The following SOX5 variants were observed in gnomAD, a reference collection of about 807,000 sequenced individuals.
SOX5 encodes the protein SRY-box transcription factor 5.
A neutral mutation model predicts 92.0 loss-of-function variants in SOX5; 9 were observed. The ratio of observed to expected loss-of-function variants is 0.10; its 90% CI spans 0.06 to 0.17. The LOEUF is 0.17. Among genes scored for constraint, SOX5 ranks in the 10% least tolerant of loss-of-function variants. SOX5 has a pLI of 1.00. For missense variants in SOX5, 642 were observed against 944.5 expected (o/e 0.68, Z 4.20); for synonymous variants, 344 against 336.3 (o/e 1.02, Z -0.25).
chr12:24,082,404 G>GAAAAAAAAAAAAAAAA (rs58736325), intron 4 of SOX5, among the ~76,000 whole-genome samples: 1 of 73,386 alleles, frequency 1.4e-5, no homozygotes, highest in South Asian at 6.4e-4. Context: ...CTTTCGAAAA[G>GAAAAAAAAAAAAAAAA]AAAAAAAAAA....
At chr12:23,778,788 T>A (rs536631215) in intron 3 of SOX5, among the ~76,000 whole-genome samples, 3 of 152,260 alleles carry the variant, frequency 2.0e-5, no homozygotes, top group African/African-American at 7.2e-5. Context: ...AATTATCATG[T>A]CTTCTTCTTC....
chr12:23,885,385 A>G (rs1246195837), intron 2 of SOX5, among the ~76,000 whole-genome samples: 1 of 152,144 alleles, frequency 6.6e-6, no homozygotes, highest in African/African-American at 2.4e-5. Flanking sequence ...TAATGTTTTT[A>G]TTAACCCTTC....
chr12:24,051,281 T>G (rs1957538421), intron 4 of SOX5, among the ~76,000 whole-genome samples: 1 of 152,104 alleles, frequency 6.6e-6, no homozygotes, highest in East Asian at 1.9e-4. Flanking sequence ...TTCCAAAATT[T>G]TACAATGATG....
At chr12:23,744,437 G>A (rs549862012) in intron 4 of SOX5, among the ~76,000 whole-genome samples, 24 of 152,176 alleles carry the variant, frequency 1.6e-4, no homozygotes, top group African/African-American at 5.1e-4. Context: ...TGGATAAAGT[G>A]AAACTCACCA....
intron 1 of SOX5, among the ~76,000 whole-genome samples, chr12:24,483,447 T>C (rs1307927565): frequency 1.3e-5 from 2 of 152,234 alleles, no homozygotes; most frequent in East Asian, 3.8e-4. Context: ...ACCATAAGTT[T>C]TCCTCTCAGA....
At chr12:23,623,744 C>G (rs930699441) in intron 8 of SOX5, among the ~76,000 whole-genome samples, 3 of 151,930 alleles carry the variant, frequency 2.0e-5, no homozygotes, top group African/African-American at 7.2e-5. Context: ...ACCCAAATCA[C>G]AATTAGATAT....
chr12:23,582,431 T>A, intron 9 of SOX5: 1 of 281,278 alleles, frequency 3.6e-6, no homozygotes, highest in Non-Finnish European at 5.4e-6. Flanking sequence ...GCAACAATCT[T>A]AAAATTATTT....
chr12:23,581,704 T>A (rs114753705), intron 9 of SOX5, among the ~76,000 whole-genome samples: 3,149 of 152,210 alleles, frequency 0.021, 97 homozygotes, highest in African/African-American at 0.072. Context: ...CTTTGAGGCT[T>A]TGGTTTTATG....
chr12:23,651,445 T>C (rs1434128725), intron 7 of SOX5, among the ~76,000 whole-genome samples: 1 of 152,096 alleles, frequency 6.6e-6, no homozygotes, highest in Non-Finnish European at 1.5e-5. Flanking sequence ...ACTTCAATTT[T>C]CATAACATAT....
intron 4 of SOX5, among the ~76,000 whole-genome samples, chr12:23,741,687 A>G (rs1038173853): frequency 2.6e-5 from 4 of 152,226 alleles, no homozygotes; most frequent in African/African-American, 9.6e-5. Context: ...TTCAGAGTCT[A>G]TCTTCGAAAA....
At chr12:23,783,547 A>G (rs1440142555) in intron 3 of SOX5, among the ~76,000 whole-genome samples, 1 of 152,240 alleles carries the variant, frequency 6.6e-6, no homozygotes, top group Non-Finnish European at 1.5e-5. Context: ...ATAGCAAAAC[A>G]TGAATTCAAT....
intron 1 of SOX5, among the ~76,000 whole-genome samples, chr12:24,467,394 T>C (rs766470180): frequency 4.6e-5 from 7 of 152,172 alleles, no homozygotes; most frequent in Non-Finnish European, 7.3e-5. Context: ...CAGCGTGCAA[T>C]GGGAAATGAC....
chr12:23,667,666 T>G (rs2139479573), intron 6 of SOX5, among the ~76,000 whole-genome samples: 1 of 152,152 alleles, frequency 6.6e-6, no homozygotes, highest in East Asian at 1.9e-4. Context: ...TGTCTCAATC[T>G]AGTGAGGGGA....
chr12:24,443,856 T>C (rs796250990), intron 1 of SOX5, among the ~76,000 whole-genome samples: 4 of 152,364 alleles, frequency 2.6e-5, no homozygotes, highest in African/African-American at 9.6e-5. Context: ...TAGTACTTCA[T>C]ATAATAGCTT....
chr12:24,307,505 G>GTTA (rs1948720368), intron 2 of SOX5, among the ~76,000 whole-genome samples: 1 of 38,416 alleles, frequency 2.6e-5, no homozygotes, highest in African/African-American at 4.5e-5. Flanking sequence ...AAGGAAGGAA[G>GTTA]GAAGGAAGGA....
intron 1 of SOX5, among the ~76,000 whole-genome samples, chr12:23,931,953 A>G (rs1468418001): frequency 6.6e-6 from 1 of 151,534 alleles, no homozygotes; most frequent in Admixed American, 6.6e-5. Flanking sequence ...TGAACTAAGG[A>G]AGCCCTATTT....
intron 9 of SOX5, among the ~76,000 whole-genome samples, chr12:23,602,388 T>C (rs2074619925): frequency 6.6e-6 from 1 of 152,164 alleles, no homozygotes; most frequent in African/African-American, 2.4e-5. Flanking sequence ...AAAATCATTG[T>C]AGCGACTGCT....
intron 6 of SOX5, among the ~76,000 whole-genome samples, chr12:23,669,351 G>A (rs2084371887): frequency 6.6e-6 from 1 of 151,930 alleles, no homozygotes; most frequent in Non-Finnish European, 1.5e-5. Context: ...AAAAGGAACA[G>A]GGGCAAGAAA....
chr12:24,262,813 G>A (rs1942356774), intron 3 of SOX5, among the ~76,000 whole-genome samples: 3 of 152,122 alleles, frequency 2.0e-5, no homozygotes, highest in Admixed American at 2.0e-4. Context: ...TCCAACTCTT[G>A]ACACAACTTC....
Sources: gnomAD v4.1 joint callset for allele counts (sites outside exome capture counted in the v4.1 genomes callset) on GRCh38, gnomAD v4.1.1 for gene constraint, MANE v1.5 for transcripts, NCBI Gene and HGNC (gene_info 2026-07-23, HGNC 2026-07-21) for gene names.